The following NXPE2 variants were observed in gnomAD, a reference collection of about 807,000 sequenced individuals.
The protein encoded by NXPE2 is neurexophilin and PC-esterase domain family member 2.
A neutral mutation model predicts 34.4 loss-of-function variants in NXPE2; 34 were observed. The observed-to-expected ratio is 0.99, with a 90% CI of 0.75 to 1.31. NXPE2 has a LOEUF of 1.31. Ranked by LOEUF, NXPE2 falls within the 40% of genes most tolerant of loss-of-function variation. The pLI is 0.00. For missense variants in NXPE2, 649 were observed against 672.5 expected, an observed-to-expected ratio of 0.97 and a Z score of 0.39; for synonymous variants, 235 against 231.3, an observed-to-expected ratio of 1.02 and a Z score of -0.15.
the NXPE2 span, among the ~76,000 whole-genome samples, chr11:114,727,722 T>C: frequency 6.6e-6 from 1 of 151,438 alleles, no homozygotes; most frequent in African/African-American, 2.4e-5. Flanking sequence ...GCTTACTATT[T>C]AGGAAGATAA....
At chr11:114,730,419 T>G in the NXPE2 span, among the ~76,000 whole-genome samples, 8 of 152,178 alleles carry the variant, frequency 5.3e-5, no homozygotes, top group Admixed American at 4.6e-4. Flanking sequence ...TAGAATAGTA[T>G]TTTTCTAATT....
At chr11:114,748,507 A>T in the NXPE2 span, among the ~76,000 whole-genome samples, 1 of 152,144 alleles carries the variant, frequency 6.6e-6, no homozygotes, top group Non-Finnish European at 1.5e-5. Context: ...ACTCTGGCCC[A>T]ATTCTCAGTC....
At chr11:114,505,283 C>G in the NXPE2 span, among the ~76,000 whole-genome samples, 2 of 152,102 alleles carry the variant, frequency 1.3e-5, no homozygotes, top group Non-Finnish European at 2.9e-5. Context: ...GAGAATGGAA[C>G]CCACTTGGAA....
the NXPE2 span, among the ~76,000 whole-genome samples, chr11:114,492,601 C>T: frequency 2.6e-5 from 4 of 151,628 alleles, no homozygotes; most frequent in East Asian, 3.9e-4. Context: ...TGCAGTGGCA[C>T]GATCTCGGCT....
chr11:114,706,918 C>T lies in NXPE2; in HGVS notation c.1668C>T (p.Asn556=). 2 of 1,545,378 alleles carry T rather than the reference C, an allele frequency of 1.3e-6. No homozygotes were observed. The highest frequency in any genetic ancestry group is 1.8e-6 in the Non-Finnish European group (2 of 1,142,432). Residue 556 remains asparagine, a synonymous_variant, in exon 6 of 6, where the codon AAC becomes AAT. Coordinates refer to ENST00000389586, the MANE Select transcript of NXPE2 (RefSeq NM_182495.6). ...AAAATCAGATTGGCATGTTCTTAAA[C>T]TACATTTGTTAGAGGAAAAATACAA... ...VIQNQIGMFL[N]YIC is the part of the protein sequence containing the mutation.
At chr11:114,580,101 G>A in the NXPE2 span, 2 of 1,541,900 alleles carry the variant, frequency 1.3e-6, no homozygotes, top group Non-Finnish European at 1.8e-6. Flanking sequence ...TTCTGAAAGG[G>A]GTAAGAATTA....
At chr11:114,689,985 T>C (rs998824724) in intron 2 of NXPE2, among the ~76,000 whole-genome samples, 2 of 152,178 alleles carry the variant, frequency 1.3e-5, no homozygotes, top group Non-Finnish European at 2.9e-5. Flanking sequence ...TATTGTTATA[T>C]GTGAGATGAA....
chr11:114,582,684 G>A, the NXPE2 span: 2 of 1,614,154 alleles, frequency 1.2e-6, no homozygotes, highest in Non-Finnish European at 1.7e-6. Context: ...CATCAGCGCT[G>A]GGGAAGACAT....
the NXPE2 span, chr11:114,527,976 G>T: frequency 8.9e-7 from 1 of 1,122,884 alleles, no homozygotes; most frequent in Non-Finnish European, 1.3e-6. Context: ...CTGCTTGTGA[G>T]TGAAGGAAAA....
At chr11:114,678,910 G>GT (rs949450317) in intron 1 of NXPE2, among the ~76,000 whole-genome samples, 5 of 149,462 alleles carry the variant, frequency 3.3e-5, no homozygotes, top group African/African-American at 2.5e-5. Flanking sequence ...TTGGTATGAT[G>GT]TTTTTTTTCT....
chr11:114,773,279 A>ACCCCCCCCCCCCCCCCCCCCCC, the NXPE2 span, among the ~76,000 whole-genome samples: 2 of 69,362 alleles, frequency 2.9e-5, no homozygotes, highest in African/African-American at 5.5e-5. Flanking sequence ...ACCCACTCCC[A>ACCCCCCCCCCCCCCCCCCCCCC]CCCCCCCCCC....
At chr11:114,757,050 C>T in the NXPE2 span, among the ~76,000 whole-genome samples, 1 of 152,124 alleles carries the variant, frequency 6.6e-6, no homozygotes, top group East Asian at 1.9e-4. Context: ...TCCAGCTGCA[C>T]TTGATAAAGT....
chr11:114,678,205 C>T (rs1950879859), upstream of NXPE2, among the ~76,000 whole-genome samples: 1 of 152,076 alleles, frequency 6.6e-6, no homozygotes, highest in Non-Finnish European at 1.5e-5. Flanking sequence ...ACTTTTCCTG[C>T]TACTGTGGAG....
chr11:114,651,418 C>T, the NXPE2 span, among the ~76,000 whole-genome samples: 2 of 152,060 alleles, frequency 1.3e-5, no homozygotes, highest in African/African-American at 2.4e-5. Flanking sequence ...AAGCTGCAAA[C>T]GTTTGCGGTG....
the NXPE2 span, among the ~76,000 whole-genome samples, chr11:114,627,812 A>G: frequency 3.3e-5 from 5 of 151,828 alleles, no homozygotes; most frequent in Non-Finnish European, 7.4e-5. Flanking sequence ...TCAAAATAAA[A>G]GGATGGAGGA....
chr11:114,731,106 G>A, the NXPE2 span, among the ~76,000 whole-genome samples: 8 of 152,132 alleles, frequency 5.3e-5, 1 homozygote, highest in Middle Eastern at 0.02. Context: ...TATCATGAAG[G>A]CATGTTGGAT....
At chr11:114,739,527 A>T in the NXPE2 span, among the ~76,000 whole-genome samples, 1 of 151,998 alleles carries the variant, frequency 6.6e-6, no homozygotes, top group Admixed American at 6.6e-5. Flanking sequence ...ATGTTTTAAT[A>T]TATGTACACA....
At chr11:114,776,421 G>T in the NXPE2 span, among the ~76,000 whole-genome samples, 4 of 152,262 alleles carry the variant, frequency 2.6e-5, no homozygotes, top group Non-Finnish European at 5.9e-5. Context: ...TGCGTGAAGC[G>T]CAGGAAGTTA....
At chr11:114,626,372 AC>A in the NXPE2 span, among the ~76,000 whole-genome samples, 1 of 152,024 alleles carries the variant, frequency 6.6e-6, no homozygotes, top group African/African-American at 2.4e-5. Context: ...CTGACCCCTG[AC>A]CCCCGAGCAG....
Sources: gnomAD v4.1 joint callset for allele counts (sites outside exome capture counted in the v4.1 genomes callset) on GRCh38, gnomAD v4.1.1 for gene constraint, MANE v1.5 for transcripts, NCBI Gene and HGNC (gene_info 2026-07-23, HGNC 2026-07-21) for gene names.